The following NAV3 variants were observed in gnomAD, a reference collection of about 807,000 sequenced individuals.
NAV3 encodes the protein pore membrane and/or filament interacting like protein 1.
In NAV3, 87 loss-of-function variants were observed where a neutral mutation model predicts 244.7. The observed-to-expected ratio is 0.36, with a 90% CI of 0.30 to 0.42. NAV3 has a LOEUF of 0.42. Among genes scored for constraint, NAV3 ranks in the 20% least tolerant of loss-of-function variants. The pLI is 1.00. For synonymous variants in NAV3, 1,126 were observed against 1,042.2 expected (o/e 1.08, Z -1.55); for missense variants, 2,663 against 2,893.3 (o/e 0.92, Z 1.83).
chr12:78,053,534 A>G (rs934556692), intron 11 of NAV3, among the ~76,000 whole-genome samples: 3 of 152,288 alleles, frequency 2.0e-5, no homozygotes, highest in East Asian at 3.9e-4. Flanking sequence ...CAACAGCACT[A>G]TAACTAAGGC....
At chr12:77,607,572 G>T (rs563885201) in intron 2 of NAV3, among the ~76,000 whole-genome samples, 1 of 152,126 alleles carries the variant, frequency 6.6e-6, no homozygotes, top group Admixed American at 6.6e-5. Flanking sequence ...CCTAAGAGAG[G>T]GGATTGTAGC....
chr12:77,793,725 G>A (rs181343984), intron 2 of NAV3, among the ~76,000 whole-genome samples: 1 of 152,150 alleles, frequency 6.6e-6, no homozygotes, highest in Non-Finnish European at 1.5e-5. Context: ...GTCTATCATT[G>A]TTGGGCATTT....
At chr12:77,819,868 G>A (rs142340931) in intron 2 of NAV3, among the ~76,000 whole-genome samples, 47 of 152,226 alleles carry the variant, frequency 3.1e-4, no homozygotes, top group African/African-American at 9.9e-4. Flanking sequence ...TGTGTGGTTC[G>A]TAAAACCAAT....
chr12:78,045,296 A>C (rs577404293), intron 9 of NAV3, among the ~76,000 whole-genome samples: 1 of 152,004 alleles, frequency 6.6e-6, no homozygotes, highest in African/African-American at 2.4e-5. Flanking sequence ...ATCGTGGTGG[A>C]TAAGCTTTTT....
chr12:77,684,802 C>T (rs150640661), intron 2 of NAV3, among the ~76,000 whole-genome samples: 2,681 of 152,154 alleles, frequency 0.018, 44 homozygotes, highest in South Asian at 0.049. Context: ...TGGCCAAGGT[C>T]TGTAATCTAC....
In NAV3 at chr12:77,976,775, T is replaced by A. The variant is rs1428983259; in HGVS notation, c.671+8073T>A. 3.5e-5 allele frequency among the ~76,000 whole-genome samples: 5 copies of A among 143,782 alleles called. No individual in the cohort carries two copies. In the Admixed American group the frequency reaches 3.7e-4, roughly 11 times the overall value. 94.3% of individuals were successfully genotyped at this position (143,782 alleles called of 152,430 possible). ...CTCACTGCAACCTTCCCCTCCCGGG[T>A]TCAAGTGATTCTCCTGCCTCAGCCT... is the stretch of plus-strand genomic sequence containing the variant. On this transcript the variant is annotated intron_variant, in intron 5 of 39. Coordinates refer to ENST00000397909, the MANE Select transcript of NAV3 (RefSeq NM_001024383.2).
At position 78,211,323 on chromosome 12, in the gene NAV3, A is replaced by G. The variant is rs1012530477; in HGVS notation, c.*806A>G. 6.6e-6 allele frequency: 1 copy of G among 152,624 alleles called. No individual in the cohort carries two copies. Among genetic ancestry groups the G allele is most frequent in the African/African-American group, 2.4e-5 (1 of 41,436 alleles). 9.5% of individuals were successfully genotyped at this position (152,624 alleles called of 1,614,324 possible). A position where few individuals can be genotyped will look rare whatever the true frequency, so the allele number is the denominator to read the frequency against. On this transcript the variant is annotated 3_prime_UTR_variant, in exon 40 of 40. Transcript: ENST00000397909. ...TTCAGTGAAAGAAGGAACATTTCCT[A>G]TGGTGCTGTCTCACTGCCTTAAAAC... is the stretch of plus-strand genomic sequence containing the variant.
At chr12:77,860,857 G>A (rs1879157144) in intron 1 of NAV3, among the ~76,000 whole-genome samples, 1 of 151,834 alleles carries the variant, frequency 6.6e-6, no homozygotes, top group African/African-American at 2.4e-5. Context: ...TGTCCTAAAA[G>A]GGAAATAAAG....
intron 2 of NAV3, among the ~76,000 whole-genome samples, chr12:77,586,469 CAT>C (rs1869619469): frequency 6.6e-6 from 1 of 152,100 alleles, no homozygotes; most frequent in Non-Finnish European, 1.5e-5. Flanking sequence ...TGTTTACAAA[CAT>C]AATTAAAAAT....
intron 12 of NAV3, among the ~76,000 whole-genome samples, chr12:78,099,157 G>A (rs1352539461): frequency 4.0e-5 from 6 of 151,372 alleles, no homozygotes; most frequent in South Asian, 4.1e-4. Context: ...ATTCACTGCA[G>A]TGTTACTTAC....
intron 2 of NAV3, among the ~76,000 whole-genome samples, chr12:77,702,373 T>C (rs1477336064): frequency 1.3e-5 from 2 of 152,026 alleles, no homozygotes; most frequent in Non-Finnish European, 2.9e-5. Context: ...GCAGAGGATA[T>C]AGTTGGGTGT....
chr12:77,880,403 G>A (rs552791380), intron 1 of NAV3, among the ~76,000 whole-genome samples: 4 of 152,198 alleles, frequency 2.6e-5, no homozygotes, highest in Admixed American at 2.6e-4. Flanking sequence ...GGTAGAAGAT[G>A]GATAAAACCT....
intron 12 of NAV3, among the ~76,000 whole-genome samples, chr12:78,062,994 G>C (rs936568239): frequency 6.6e-6 from 1 of 152,108 alleles, no homozygotes; most frequent in African/African-American, 2.4e-5. Context: ...CAGCTACCTA[G>C]CATAGCAATG....
Position 77,971,621 on chromosome 12 carries a change from G to T in NAV3, c.671+2919G>T, listed in dbSNP as rs1226783396. Among the ~76,000 whole-genome samples the T allele has an allele frequency of 2.0e-5, 3 of 152,206 alleles. 1 individual carries two copies. The highest frequency in any genetic ancestry group is 2.0e-4 in the Admixed American group (3 of 15,274). On this transcript the variant is annotated intron_variant, in intron 5 of 39. Transcript: ENST00000397909. ...TGTAGTATCTATGGGTTAGAACCAA[G>T]ATAATTAATGCAGAAAAATTCCTAG...
chr12:78,117,771 T>C (rs1411576143), intron 13 of NAV3, among the ~76,000 whole-genome samples: 1 of 152,100 alleles, frequency 6.6e-6, no homozygotes, highest in Non-Finnish European at 1.5e-5. Context: ...GTCTTACTAC[T>C]TCTTATGACA....
At chr12:78,000,993 T>C (rs1873201191) in intron 7 of NAV3, among the ~76,000 whole-genome samples, 1 of 150,534 alleles carries the variant, frequency 6.6e-6, no homozygotes, top group South Asian at 2.1e-4. Context: ...AAAAAAAAAA[T>C]TATAAGTTAT....
chr12:78,144,912 CAAAAAAAAAAAAAAAAAAAAAAAAAA>C (rs755345560), intron 20 of NAV3: 1 of 66,038 alleles, frequency 1.5e-5, no homozygotes, highest in Non-Finnish European at 2.5e-5. Context: ...GATCCTGTCT[CAAAAAAAAAAAAAAAAAAAAAAAAAA>C]AAAAAAAAAG....
intron 12 of NAV3, among the ~76,000 whole-genome samples, chr12:78,071,635 T>G (rs1035525500): frequency 2.0e-5 from 3 of 152,138 alleles, no homozygotes; most frequent in Admixed American, 6.6e-5. Flanking sequence ...TAATCCATCT[T>G]GAATTGATTT....
chr12:77,992,645 A>G (rs936955684), intron 5 of NAV3, among the ~76,000 whole-genome samples: 4 of 152,236 alleles, frequency 2.6e-5, no homozygotes, highest in African/African-American at 9.6e-5. Context: ...GGAGTAGAAT[A>G]TTAGTTTAAA....
Sources: allele counts gnomAD v4.1 joint callset (sites outside exome capture counted in the v4.1 genomes callset), GRCh38; gene constraint gnomAD v4.1.1; transcripts MANE v1.5; gene names NCBI Gene and HGNC (gene_info 2026-07-23, HGNC 2026-07-21).